The following CDC25C variants were observed in gnomAD, a reference collection of about 807,000 sequenced individuals.
CDC25C encodes cell division cycle 25C.
CDC25C carries 48 observed loss-of-function variants against 52.5 expected under a neutral mutation model. The ratio of observed to expected loss-of-function variants is 0.91; its 90% CI spans 0.72 to 1.16. The LOEUF is 1.16. Among genes scored for constraint, CDC25C ranks in the 50% most tolerant of loss-of-function variants. CDC25C has a pLI of 0.00. For missense variants in CDC25C, 510 were observed against 566.1 expected, an observed-to-expected ratio of 0.90 and a Z score of 1.01; for synonymous variants, 187 against 206.5, an observed-to-expected ratio of 0.91 and a Z score of 0.81.
At chr5:138,301,328 C>G (rs1201939105) in intron 7 of CDC25C, among the ~76,000 whole-genome samples, 1 of 152,058 alleles carries the variant, frequency 6.6e-6, no homozygotes, top group African/African-American at 2.4e-5. Context: ...AACTTTATGC[C>G]ACTATATTTG....
chr5:138,328,879 T>C (rs563579916), intron 3 of CDC25C: 16 of 188,168 alleles, frequency 8.5e-5, no homozygotes, highest in Admixed American at 3.4e-4. Flanking sequence ...GAATATTTCA[T>C]ATAAAACATA....
chr5:138,310,284 A>G (rs1561696273), intron 7 of CDC25C, among the ~76,000 whole-genome samples: 1 of 152,180 alleles, frequency 6.6e-6, no homozygotes, highest in Non-Finnish European at 1.5e-5. Flanking sequence ...AGACACTTCG[A>G]ACAAGTGCCA....
chr5:138,309,259 TA>T (rs1758260522), intron 7 of CDC25C, among the ~76,000 whole-genome samples: 1 of 151,584 alleles, frequency 6.6e-6, no homozygotes, highest in African/African-American at 2.4e-5. Context: ...ACTTCATTCT[TA>T]AAACAGGAAA....
chr5:138,286,200 C>A, intron 12 of CDC25C, 67 bp from the exon 13 acceptor site: 1 of 1,230,358 alleles, frequency 8.1e-7, no homozygotes. Flanking sequence ...GGGCCATTCA[C>A]TGGGGAGGGG....
At chr5:138,326,443 G>A (rs1007940062) in intron 4 of CDC25C, among the ~76,000 whole-genome samples, 1 of 151,802 alleles carries the variant, frequency 6.6e-6, no homozygotes, top group Non-Finnish European at 1.5e-5. Flanking sequence ...CCGGTTTCAC[G>A]CCATTCTCCT....
chr5:138,321,878 T>C (rs2126805114), intron 6 of CDC25C, among the ~76,000 whole-genome samples: 1 of 151,360 alleles, frequency 6.6e-6, no homozygotes, highest in South Asian at 2.1e-4. Context: ...CTGGAGTCCA[T>C]GGTCTATGAA....
chr5:138,321,750 C>CA (rs531353746), intron 6 of CDC25C, among the ~76,000 whole-genome samples: 786 of 47,186 alleles, frequency 0.017, 119 homozygotes, highest in Middle Eastern at 0.029. Flanking sequence ...GACTCTGTCT[C>CA]AAAAAAAAAA....
chr5:138,331,043 A>AG lies in CDC25C; in HGVS notation c.137dup (p.Arg47Ter). On this transcript the variant is annotated frameshift_variant, in exon 2 of 14. Coordinates refer to ENST00000323760, the MANE Select transcript of CDC25C (RefSeq NM_001790.5). LOFTEE classifies it high-confidence loss of function. ...CAAGAAATTTGCCCACTGGAGTTCT[A>AG]GGGACATCTGGACAGACGGTAAAGG... The AG allele has an allele frequency of 6.2e-7, 1 of 1,614,184 alleles. No individual in the cohort carries two copies. Among genetic ancestry groups the AG allele is most frequent in the Non-Finnish European group, 8.5e-7 (1 of 1,179,998 alleles).
chr5:138,288,619 G>C (rs11242419), intron 10 of CDC25C, among the ~76,000 whole-genome samples: 21,178 of 152,084 alleles, frequency 0.14, 1,737 homozygotes, highest in South Asian at 0.23. Flanking sequence ...TGACCTCCGG[G>C]AGGCAGAGGT....
At chr5:138,294,024 ATTT>A (rs36022580) in intron 7 of CDC25C, among the ~76,000 whole-genome samples, 2 of 125,972 alleles carry the variant, frequency 1.6e-5, no homozygotes, top group African/African-American at 3.0e-5. Flanking sequence ...TTTTCTTTGG[ATTT>A]TTTTTTTTTT....
intron 10 of CDC25C, among the ~76,000 whole-genome samples, chr5:138,289,033 C>G (rs979888587): frequency 6.6e-6 from 1 of 152,118 alleles, no homozygotes; most frequent in Non-Finnish European, 1.5e-5. Context: ...GGCACGATCT[C>G]TGCTCACTGC....
At chr5:138,297,025 C>T (rs2126688060) in intron 7 of CDC25C, among the ~76,000 whole-genome samples, 1 of 151,390 alleles carries the variant, frequency 6.6e-6, no homozygotes, top group South Asian at 2.1e-4. Flanking sequence ...ATTCTTCTGC[C>T]TCAGCCTCCC....
chr5:138,335,968 C>T (rs1037267567), upstream of CDC25C, among the ~76,000 whole-genome samples: 8 of 151,796 alleles, frequency 5.3e-5, no homozygotes, highest in African/African-American at 1.9e-4. Context: ...AGTACCTTTG[C>T]CTACCATGTG....
chr5:138,327,551 G>A (rs942014191), intron 4 of CDC25C, among the ~76,000 whole-genome samples: 2 of 151,210 alleles, frequency 1.3e-5, no homozygotes, highest in African/African-American at 4.9e-5. Flanking sequence ...CAGGAGAATC[G>A]CTTGAACCCA....
At chr5:138,337,790 C>T (rs1230541757) in intron 1 of CDC25C, 2 of 410,780 alleles carry the variant, frequency 4.9e-6, no homozygotes, top group East Asian at 1.6e-4. Flanking sequence ...CGGACGGGTC[C>T]TTTGCTGGGG....
At chr5:138,298,984 G>A (rs1757422902) in intron 7 of CDC25C, among the ~76,000 whole-genome samples, 1 of 150,346 alleles carries the variant, frequency 6.7e-6, no homozygotes, top group Non-Finnish European at 1.5e-5. Context: ...CCTGGGGTTA[G>A]GAGTTCCAGA....
At chr5:138,321,550 G>A (rs1030021429) in intron 6 of CDC25C, among the ~76,000 whole-genome samples, 2 of 151,690 alleles carry the variant, frequency 1.3e-5, no homozygotes, top group African/African-American at 2.4e-5. Context: ...TCAGGAGATC[G>A]AGAGCATCCT....
chr5:138,293,922 C>G (rs1756966769), intron 7 of CDC25C, among the ~76,000 whole-genome samples: 1 of 152,018 alleles, frequency 6.6e-6, no homozygotes, highest in African/African-American at 2.4e-5. Flanking sequence ...GCTGGGTTTA[C>G]AGGCATGAGC....
intron 7 of CDC25C, among the ~76,000 whole-genome samples, chr5:138,296,806 C>T (rs1433818990): frequency 4.6e-5 from 7 of 151,072 alleles, no homozygotes; most frequent in Admixed American, 4.0e-4. Flanking sequence ...GGGGTTTCAC[C>T]GTGTTAGCCA....
Sources: gnomAD v4.1 joint callset for allele counts (sites outside exome capture counted in the v4.1 genomes callset) on GRCh38, gnomAD v4.1.1 for gene constraint, MANE v1.5 for transcripts, NCBI Gene and HGNC (gene_info 2026-07-23, HGNC 2026-07-21) for gene names.